UNC13B: variants seen among roughly 807,000 people sequenced by gnomAD.
UNC13B encodes unc-13 homolog B.
UNC13B carries 144 observed loss-of-function variants against 211.0 expected under a neutral mutation model. The observed-to-expected ratio is 0.68, with a 90% CI of 0.60 to 0.78. The LOEUF is 0.78. Ranked by LOEUF, UNC13B falls within the 30% of genes least tolerant of loss-of-function variation. UNC13B has a pLI of 0.00. For missense variants in UNC13B, 1,777 were observed against 2,002.0 expected, an observed-to-expected ratio of 0.89 and a Z score of 2.14; for synonymous variants, 709 against 725.8, an observed-to-expected ratio of 0.98 and a Z score of 0.37.
chr9:35,397,722 G>A lies in UNC13B; in HGVS notation c.11754+10G>A, dbSNP rs745705690. The stretch of plus-strand genomic sequence containing the variant: ...CACAAAGGAGAAACTGGTAGGTTCA[G>A]GCCCTGGGACTCTTACAGAAAGAGA... On this transcript the variant is annotated intron_variant, in intron 30 of 39. Transcript: ENST00000635942. 3.0e-5 allele frequency: 49 copies of A among 1,613,742 alleles called. No homozygotes were observed. In the Middle Eastern group the frequency reaches 4.9e-4, roughly 16 times the overall value.
intron 9 of UNC13B, among the ~76,000 whole-genome samples, chr9:35,310,172 T>A (rs1830114876): frequency 6.6e-6 from 1 of 152,242 alleles, no homozygotes; most frequent in South Asian, 2.1e-4. Context: ...GCCATTTTAA[T>A]AATTTTTAAT....
At chr9:35,351,810 G>T in intron 11 of UNC13B, 4 of 1,232,218 alleles carry the variant, frequency 3.2e-6, no homozygotes, top group Non-Finnish European at 4.0e-6. Flanking sequence ...TATGTTTCAG[G>T]GTCTGGTTCT....
intron 4 of UNC13B, among the ~76,000 whole-genome samples, chr9:35,237,129 C>G (rs942036325): frequency 1.3e-5 from 2 of 152,194 alleles, no homozygotes; most frequent in Non-Finnish European, 2.9e-5. Flanking sequence ...GCCTCACTTT[C>G]CTAGACTAGA....
At chr9:35,190,496 A>G (rs1156542511) in intron 1 of UNC13B, among the ~76,000 whole-genome samples, 1 of 152,156 alleles carries the variant, frequency 6.6e-6, no homozygotes, top group Non-Finnish European at 1.5e-5. Flanking sequence ...TTTGAGAGGG[A>G]ATGATCTGCT....
At chr9:35,320,373 A>G (rs941196116) in intron 11 of UNC13B, among the ~76,000 whole-genome samples, 2 of 152,222 alleles carry the variant, frequency 1.3e-5, no homozygotes, top group African/African-American at 4.8e-5. Flanking sequence ...TACCCCCAAA[A>G]GTATATGCTT....
At chr9:35,166,845 T>C (rs1821061232) in intron 1 of UNC13B, among the ~76,000 whole-genome samples, 1 of 152,188 alleles carries the variant, frequency 6.6e-6, no homozygotes, top group Admixed American at 6.5e-5. Flanking sequence ...CAGATGAGTA[T>C]ATAGGTTCTG....
Position 35,162,134 on chromosome 9 carries a change from C to G in UNC13B, c.-150C>G, listed in dbSNP as rs1326890192. The G allele has an allele frequency of 6.6e-6, 8 of 1,211,986 alleles. No individual in the cohort carries two copies. The Admixed American group carries it at 1.4e-4, about 22-fold the overall frequency. 75.1% of individuals were successfully genotyped at this position (1,211,986 alleles called of 1,614,324 possible). ...GGTGAGATTTGGGGCGGGTCCGAGG[C>G]AGCGGCGGGACGCTACCTGCGACCG... On this transcript the variant is annotated 5_prime_UTR_variant, in exon 1 of 40. Coordinates refer to ENST00000635942, the MANE Select transcript of UNC13B (RefSeq NM_001371189.2).
In UNC13B at chr9:35,301,377, T is replaced by C; in HGVS notation, c.1973T>C (p.Leu658Ser). Residue 658 changes from leucine to serine, a missense_variant, in exon 9 of 40, where the codon TTA (leucine) becomes TCA (serine). By Grantham distance (145) the Leu-to-Ser change is moderately radical. Coordinates refer to ENST00000635942, the MANE Select transcript of UNC13B (RefSeq NM_001371189.2). ...SSVIKSVFSR[L>S]NPLKIFSEKE... ...GTTATAAAGTCGGTTTTCAGCAGGT[T>C]AAATCCATTGAAGATCTTTTCAGAA... 2.5e-6 allele frequency: 1 copy of C among 398,678 alleles called. No homozygotes were observed. 24.7% of individuals were successfully genotyped at this position (398,678 alleles called of 1,614,324 possible). A position where few individuals can be genotyped will look rare whatever the true frequency, so the allele number is the denominator to read the frequency against.
At chr9:35,232,847 G>A (rs867878305) in intron 3 of UNC13B, among the ~76,000 whole-genome samples, 29 of 152,144 alleles carry the variant, frequency 1.9e-4, no homozygotes, top group African/African-American at 6.0e-4. Flanking sequence ...TGTATGGTGA[G>A]AAAAGGGACT....
intron 1 of UNC13B, among the ~76,000 whole-genome samples, chr9:35,167,367 A>G (rs1278517470): frequency 6.6e-6 from 1 of 152,072 alleles, no homozygotes; most frequent in African/African-American, 2.4e-5. Context: ...GCGCCTGGCC[A>G]GTGTTAATGT....
At chr9:35,252,209 C>A (rs1486521176) in intron 6 of UNC13B, among the ~76,000 whole-genome samples, 1 of 152,154 alleles carries the variant, frequency 6.6e-6, no homozygotes, top group African/African-American at 2.4e-5. Context: ...ACAGTGGATT[C>A]AAGTATTGTC....
At chr9:35,324,201 A>G (rs1830885190) in intron 11 of UNC13B, among the ~76,000 whole-genome samples, 1 of 152,176 alleles carries the variant, frequency 6.6e-6, no homozygotes, top group Non-Finnish European at 1.5e-5. Context: ...TTTTAACACT[A>G]ATCTTAGAAC....
In UNC13B at chr9:35,308,063, A is replaced by G; in HGVS notation, c.8659A>G (p.Ile2887Val). The change falls in exon 9 of 40, where the codon ATA becomes GTA. Residue 2887 changes from isoleucine to valine, a missense_variant. Transcript: ENST00000635942. Reference protein sequence around the residue: ...EANKALKSSQISGASAQPGKV... With the variant: ...EANKALKSSQVSGASAQPGKV... ...TAACAAAGCTTTGAAGTCTTCTCAA[A>G]TATCTGGGGCCAGTGCTCAGCCAGG... 2 of 399,204 alleles carry G rather than the reference A, an allele frequency of 5.0e-6. No homozygotes were observed. Among genetic ancestry groups the G allele is most frequent in the Non-Finnish European group, 8.8e-6 (2 of 226,238 alleles). The allele number at this position is 399,204 out of a possible 1,614,324, so 24.7% of individuals were successfully genotyped here.
At chr9:35,379,385 G>A (rs935681261) in intron 17 of UNC13B, among the ~76,000 whole-genome samples, 9 of 152,048 alleles carry the variant, frequency 5.9e-5, no homozygotes, top group Admixed American at 1.3e-4. Context: ...GGAGGCAGAC[G>A]TTGCAGTGCA....
chr9:35,227,815 T>C (rs1824940724), intron 1 of UNC13B, 200 bp from the exon 2 acceptor site: 2 of 446,536 alleles, frequency 4.5e-6, no homozygotes, highest in Admixed American at 4.2e-5. Flanking sequence ...GCATTGGATA[T>C]GAGATCAGAT....
rs1243754288 is a variant in UNC13B at position 35,380,650 on chromosome 9, TG to T, written c.10375+13del. The T allele has an allele frequency of 4.3e-6, 7 of 1,613,926 alleles. No homozygotes were observed. The highest frequency in any genetic ancestry group is 5.9e-6 in the Non-Finnish European group (7 of 1,179,958). On this transcript the variant is annotated intron_variant, in intron 18 of 39. Transcript: ENST00000635942. ...TCTGGTACAACTTGGGTGAGGAAACTGGACCCGAGAAAGTTGCTTGGAAGGG... is the reference window on the plus strand; with the variant it reads ...TCTGGTACAACTTGGGTGAGGAAACTGACCCGAGAAAGTTGCTTGGAAGGG...
intron 7 of UNC13B, among the ~76,000 whole-genome samples, chr9:35,263,312 G>A (rs1827383846): frequency 6.7e-6 from 1 of 149,268 alleles, no homozygotes; most frequent in Non-Finnish European, 1.5e-5. Flanking sequence ...ATCATGCTTT[G>A]AATAATAGGA....
At chr9:35,203,202 A>T (rs982851661) in intron 1 of UNC13B, among the ~76,000 whole-genome samples, 2 of 152,146 alleles carry the variant, frequency 1.3e-5, no homozygotes, top group Non-Finnish European at 2.9e-5. Context: ...TGTCATTATG[A>T]TGTTAGCTGG....
intron 1 of UNC13B, among the ~76,000 whole-genome samples, chr9:35,172,919 AAG>A (rs1445469897): frequency 2.6e-5 from 4 of 152,170 alleles, no homozygotes; most frequent in African/African-American, 7.2e-5. Flanking sequence ...TTCCAAAAAG[AAG>A]AGTGTTGTTT....
Sources: gnomAD v4.1 joint callset for allele counts (sites outside exome capture counted in the v4.1 genomes callset) on GRCh38, gnomAD v4.1.1 for gene constraint, MANE v1.5 for transcripts, NCBI Gene and HGNC (gene_info 2026-07-23, HGNC 2026-07-21) for gene names.